CACNB4: variants seen among roughly 807,000 people sequenced by gnomAD.
The protein encoded by CACNB4 is calcium voltage-gated channel auxiliary subunit beta 4, also known as voltage-dependent L-type calcium channel subunit beta-4.
In CACNB4, 32 loss-of-function variants were observed where a neutral mutation model predicts 71.2. That is an observed-to-expected ratio of 0.45 (90% CI 0.34 to 0.60). The LOEUF is 0.60. Ranked by LOEUF, CACNB4 falls within the 20% of genes least tolerant of loss-of-function variation. CACNB4 has a pLI of 0.01. For missense variants in CACNB4, 464 were observed against 647.9 expected, an observed-to-expected ratio of 0.72 and a Z score of 3.08; for synonymous variants, 231 against 236.9, an observed-to-expected ratio of 0.97 and a Z score of 0.23.
intron 2 of CACNB4, among the ~76,000 whole-genome samples, chr2:151,892,807 A>C (rs1200227595): frequency 3.3e-5 from 5 of 152,226 alleles, no homozygotes; most frequent in African/African-American, 1.2e-4. Context: ...AGGGGGAAGA[A>C]GAGAACCTTA....
chr2:151,875,883 C>G (rs1190668877), intron 5 of CACNB4, among the ~76,000 whole-genome samples: 1 of 143,466 alleles, frequency 7.0e-6, no homozygotes, highest in African/African-American at 2.5e-5. Context: ...GGGCGGCTGG[C>G]CGGGCAGAGG....
At chr2:151,909,130 C>A (rs2099855527) in intron 2 of CACNB4, among the ~76,000 whole-genome samples, 1 of 147,552 alleles carries the variant, frequency 6.8e-6, no homozygotes, top group Admixed American at 6.8e-5. Flanking sequence ...ATAATTTCTT[C>A]TTTAAAAAAG....
intron 2 of CACNB4, among the ~76,000 whole-genome samples, chr2:151,961,203 T>G (rs2099869564): frequency 6.6e-6 from 1 of 152,180 alleles, no homozygotes; most frequent in Non-Finnish European, 1.5e-5. Context: ...CACAACGTGA[T>G]GACATTTGGA....
chr2:152,012,303 T>TTG (rs1011386511), intron 2 of CACNB4, among the ~76,000 whole-genome samples: 1 of 151,966 alleles, frequency 6.6e-6, no homozygotes, highest in African/African-American at 2.4e-5. Flanking sequence ...ATGTGCATGC[T>TTG]TGTGTGTTAG....
chr2:152,029,573 G>C (rs1262757693), intron 2 of CACNB4, among the ~76,000 whole-genome samples: 2 of 151,372 alleles, frequency 1.3e-5, no homozygotes, highest in African/African-American at 4.9e-5. Context: ...GCCACATGAA[G>C]ACACAGCAGG....
At chr2:152,073,033 T>TA (rs1429829453) in intron 2 of CACNB4, among the ~76,000 whole-genome samples, 6 of 152,158 alleles carry the variant, frequency 3.9e-5, no homozygotes, top group African/African-American at 9.7e-5. Context: ...ACCTTGAACT[T>TA]ACGCTTTTGC....
chr2:151,985,491 C>T (rs1681303950), intron 2 of CACNB4, among the ~76,000 whole-genome samples: 1 of 152,124 alleles, frequency 6.6e-6, no homozygotes, highest in African/African-American at 2.4e-5. Flanking sequence ...TTTTAAGCCT[C>T]TTGATCACAT....
chr2:151,864,901 C>T (rs191551983), intron 9 of CACNB4, among the ~76,000 whole-genome samples: 33 of 152,358 alleles, frequency 2.2e-4, no homozygotes, highest in Admixed American at 1.8e-3. Context: ...TTATGTCCTA[C>T]TCTCAAAAGT....
chr2:151,923,489 C>T (rs892711923), intron 2 of CACNB4, among the ~76,000 whole-genome samples: 11 of 152,214 alleles, frequency 7.2e-5, no homozygotes, highest in African/African-American at 2.4e-4. Flanking sequence ...CGTGTAGCCC[C>T]TTGCTGAGCA....
At chr2:151,988,424 G>A (rs1681496148) in intron 2 of CACNB4, among the ~76,000 whole-genome samples, 1 of 152,084 alleles carries the variant, frequency 6.6e-6, no homozygotes, top group Non-Finnish European at 1.5e-5. Flanking sequence ...CACCCTACAT[G>A]AGAGTGGGTA....
At chr2:151,901,003 T>C (rs2099853275) in intron 2 of CACNB4, among the ~76,000 whole-genome samples, 1 of 148,158 alleles carries the variant, frequency 6.7e-6, no homozygotes, top group African/African-American at 2.5e-5. Context: ...TTTTTTTTTT[T>C]TTTTTTTTGA....
In CACNB4 at chr2:152,098,349, G is replaced by T. The variant is rs1342557430; in HGVS notation, c.128C>A (p.Thr43Asn). 1 of 1,613,566 alleles carries T rather than the reference G, an allele frequency of 6.2e-7. No homozygotes were observed. The highest frequency in any genetic ancestry group is 8.5e-7 in the Non-Finnish European group (1 of 1,179,604). Residue 43 changes from threonine to asparagine, a missense_variant, in exon 2 of 14, where the codon ACC (threonine) becomes AAC (asparagine). Physicochemically the swap from Thr to Asn is moderately conservative, Grantham distance 65. Transcript: ENST00000539935. The surrounding 1 kb of genome is among the most constrained non-coding windows in gnomAD (Gnocchi z 5.3). Reference sequence around the variant, plus strand: ...TCATACCTGTCTGAGGATGAAGCTGGTCGAAGTGGTGCTGCCATCGGATCT... The same window carrying T: ...TCATACCTGTCTGAGGATGAAGCTGTTCGAAGTGGTGCTGCCATCGGATCT... ...LKRSDGSTTS[T>N]SFILRQGSAD...
chr2:152,033,958 TGTATTGCTTG>T (rs1665976298), intron 2 of CACNB4, among the ~76,000 whole-genome samples: 1 of 152,180 alleles, frequency 6.6e-6, no homozygotes, highest in Non-Finnish European at 1.5e-5. Flanking sequence ...GCAAGAACTT[TGTATTGCTTG>T]GTGTGTCTGG....
chr2:152,057,045 T>C (rs542669215), intron 2 of CACNB4, among the ~76,000 whole-genome samples: 1 of 152,056 alleles, frequency 6.6e-6, no homozygotes, highest in Non-Finnish European at 1.5e-5. Flanking sequence ...ACGGCAACAT[T>C]GAGGGATGTC....
intron 2 of CACNB4, among the ~76,000 whole-genome samples, chr2:151,928,778 G>A (rs959261031): frequency 2.0e-4 from 31 of 152,008 alleles, no homozygotes; most frequent in Non-Finnish European, 1.5e-5. Context: ...ACAAAAATTA[G>A]CAGGGCATGG....
intron 2 of CACNB4, among the ~76,000 whole-genome samples, chr2:151,886,578 A>T (rs2099849427): frequency 1.3e-5 from 2 of 152,250 alleles, no homozygotes; most frequent in Non-Finnish European, 2.9e-5. Flanking sequence ...TAGAAGCAGA[A>T]GTTCCTGTTT....
intron 2 of CACNB4, among the ~76,000 whole-genome samples, chr2:152,074,126 G>A (rs1003513799): frequency 3.3e-5 from 5 of 152,124 alleles, no homozygotes; most frequent in African/African-American, 1.2e-4. Context: ...CACTCCAGGA[G>A]GCTATGAATC....
At chr2:152,062,672 G>A (rs1041076061) in intron 2 of CACNB4, among the ~76,000 whole-genome samples, 2 of 152,144 alleles carry the variant, frequency 1.3e-5, no homozygotes, top group South Asian at 2.1e-4. Flanking sequence ...CTTTCCACCA[G>A]CTTTGGAGCA....
intron 2 of CACNB4, among the ~76,000 whole-genome samples, chr2:152,070,924 C>G (rs1006888059): frequency 9.2e-5 from 14 of 152,172 alleles, no homozygotes; most frequent in African/African-American, 3.1e-4. Context: ...CACACCATCA[C>G]ACCCGGCTAA....
Sources: gnomAD v4.1 joint callset for allele counts (sites outside exome capture counted in the v4.1 genomes callset) on GRCh38, gnomAD v4.1.1 for gene constraint, Gnocchi (gnomAD v3.1) non-coding constraint, MANE v1.5 for transcripts, NCBI Gene and HGNC (gene_info 2026-07-23, HGNC 2026-07-21) for gene names.